MAP4K4: variants seen among roughly 807,000 people sequenced by gnomAD.
MAP4K4 encodes the protein HPK/GCK-like kinase HGK.
In MAP4K4, 38 loss-of-function variants were observed where a neutral mutation model predicts 189.6. The ratio of observed to expected loss-of-function variants is 0.20; its 90% CI spans 0.15 to 0.26. MAP4K4 has a LOEUF of 0.26. MAP4K4 is among the 10% of genes least tolerant of loss of function. The pLI, the probability that MAP4K4 is intolerant of heterozygous loss-of-function variation, is 1.00. For synonymous variants in MAP4K4, 610 were observed against 624.3 expected (o/e 0.98, Z 0.34); for missense variants, 1,054 against 1,726.9 (o/e 0.61, Z 6.91).
chr2:101,786,283 T>C (rs2091205923), intron 2 of MAP4K4, among the ~76,000 whole-genome samples: 1 of 152,038 alleles, frequency 6.6e-6, no homozygotes, highest in African/African-American at 2.4e-5. Flanking sequence ...GGTTTTCTAG[T>C]GTGATGGTTT....
intron 2 of MAP4K4, among the ~76,000 whole-genome samples, chr2:101,788,851 A>G (rs571506248): frequency 6.6e-6 from 1 of 151,886 alleles, no homozygotes; most frequent in East Asian, 1.9e-4. Flanking sequence ...TTATGGCTTT[A>G]TTTATGTTAA....
chr2:101,860,051 A>C (rs2097590477), intron 15 of MAP4K4, 187 bp downstream of exon 15: 2 of 638,834 alleles, frequency 3.1e-6, no homozygotes, highest in Non-Finnish European at 5.4e-6. Context: ...ATATTCAGTC[A>C]GTGCTTTTTC....
chr2:101,719,885 G>A (rs538969007), intron 2 of MAP4K4, among the ~76,000 whole-genome samples: 4 of 152,056 alleles, frequency 2.6e-5, no homozygotes, highest in African/African-American at 7.2e-5. Context: ...GGTGGCGGGC[G>A]CCTGTAGTCC....
At position 101,867,280 on chromosome 2, in the gene MAP4K4, A is replaced by T; in HGVS notation, c.2425A>T (p.Lys809Ter). The change falls in exon 20 of 33, where the codon AAG becomes TAG. Residue 809 changes from lysine to a stop codon, truncating the protein, a stop_gained. Coordinates refer to ENST00000324219, the Ensembl canonical transcript of MAP4K4. LOFTEE classifies it high-confidence loss of function. The stretch of plus-strand genomic sequence containing the variant: ...TGCAGTGAAAAAACCTGAAGATAAA[A>T]AGGAAGTTTTCAGACCCCTCAAGCC... The T allele has an allele frequency of 6.2e-7, 1 of 1,607,838 alleles. No individual in the cohort carries two copies. The highest frequency in any genetic ancestry group is 8.5e-7 in the Non-Finnish European group (1 of 1,177,028).
At chr2:101,857,017 C>T (rs1227234103) in intron 13 of MAP4K4, among the ~76,000 whole-genome samples, 1 of 152,188 alleles carries the variant, frequency 6.6e-6, no homozygotes, top group Non-Finnish European at 1.5e-5. Flanking sequence ...ACCTAATTGA[C>T]GTTGTCAACC....
chr2:101,802,287 T>A (rs1438224350), intron 3 of MAP4K4, among the ~76,000 whole-genome samples: 1 of 152,142 alleles, frequency 6.6e-6, no homozygotes, highest in Admixed American at 6.5e-5. Context: ...GCCTCCTGCC[T>A]CCATGCTTGT....
chr2:101,715,191 C>G (rs1280319505), intron 2 of MAP4K4, among the ~76,000 whole-genome samples: 1 of 152,174 alleles, frequency 6.6e-6, no homozygotes, highest in East Asian at 1.9e-4. Context: ...CTTAGCCTTG[C>G]CTTTTGTGCA....
At chr2:101,883,760 G>T (rs932214193) in intron 28 of MAP4K4, among the ~76,000 whole-genome samples, 1 of 151,968 alleles carries the variant, frequency 6.6e-6, no homozygotes, top group African/African-American at 2.4e-5. Context: ...TGTTCCGAGG[G>T]ATGTTGTCAT....
intron 27 of MAP4K4, 49 bp downstream of exon 27, chr2:101,877,195 A>G (rs2098227690): frequency 3.8e-6 from 6 of 1,596,758 alleles, no homozygotes; most frequent in African/African-American, 1.3e-5. Context: ...TCTTAACAAT[A>G]TTGTAGCTTT....
intron 2 of MAP4K4, among the ~76,000 whole-genome samples, chr2:101,712,395 C>T (rs1218435056): frequency 3.3e-5 from 5 of 151,982 alleles, no homozygotes; most frequent in Non-Finnish European, 7.4e-5. Context: ...GGGGTTTCAC[C>T]GTGTTAGCCA....
At chr2:101,713,061 A>G (rs1467604252) in intron 2 of MAP4K4, among the ~76,000 whole-genome samples, 1 of 150,514 alleles carries the variant, frequency 6.6e-6, no homozygotes. Flanking sequence ...CTGCCACCAC[A>G]CCTTGGCTAA....
At chr2:101,825,326 T>C in exon 5 of MAP4K4, 1 of 1,609,574 alleles carries the variant, frequency 6.2e-7, no homozygotes, top group Non-Finnish European at 8.5e-7. Context: ...TAGCTTGTTA[T>C]GGAGTTCTGT....
intron 2 of MAP4K4, among the ~76,000 whole-genome samples, chr2:101,751,096 T>C (rs553936957): frequency 6.6e-6 from 1 of 152,278 alleles, no homozygotes; most frequent in Admixed American, 6.5e-5. Flanking sequence ...CATCCCTCTG[T>C]TGGTGTGTTG....
intron 7 of MAP4K4, 58 bp from the exon 8 acceptor site, chr2:101,834,351 T>C: frequency 7.7e-7 from 1 of 1,306,022 alleles, no homozygotes; most frequent in Non-Finnish European, 1.1e-6. Context: ...CCCAGACATG[T>C]AAGTTAGTGG....
intron 7 of MAP4K4, among the ~76,000 whole-genome samples, chr2:101,832,738 C>T (rs953659256): frequency 1.3e-5 from 2 of 152,124 alleles, no homozygotes; most frequent in Non-Finnish European, 2.9e-5. Flanking sequence ...GTATGCAGAA[C>T]AAGGCAATGT....
chr2:101,704,428 T>G (rs1446395991), intron 2 of MAP4K4, among the ~76,000 whole-genome samples: 1 of 151,550 alleles, frequency 6.6e-6, no homozygotes, highest in Non-Finnish European at 1.5e-5. Context: ...GGTTTTTAAC[T>G]CCTTACTGCT....
chr2:101,811,170 G>C (rs1276561081), intron 3 of MAP4K4, among the ~76,000 whole-genome samples: 2 of 151,762 alleles, frequency 1.3e-5, no homozygotes, highest in Non-Finnish European at 2.9e-5. Flanking sequence ...TCAAGAGATC[G>C]AGGCCATCCT....
chr2:101,824,408 T>C (rs2096262432), intron 4 of MAP4K4, among the ~76,000 whole-genome samples: 1 of 152,202 alleles, frequency 6.6e-6, no homozygotes, highest in Admixed American at 6.5e-5. Context: ...CTCAGTAAAT[T>C]GAGCTTACCA....
intron 29 of MAP4K4, among the ~76,000 whole-genome samples, chr2:101,885,605 C>T (rs904900458): frequency 2.0e-5 from 3 of 152,116 alleles, no homozygotes; most frequent in African/African-American, 7.2e-5. Flanking sequence ...GTCATGGAAG[C>T]GTGTAAAGAT....
Sources: allele counts gnomAD v4.1 joint callset (sites outside exome capture counted in the v4.1 genomes callset), GRCh38; gene constraint gnomAD v4.1.1; transcripts MANE v1.5; gene names NCBI Gene and HGNC (gene_info 2026-07-23, HGNC 2026-07-21).